The following LYRM4 variants were observed in gnomAD, a reference collection of about 807,000 sequenced individuals.
LYRM4 encodes the protein LYR motif containing 4, also known as LYR motif-containing protein 4.
A neutral mutation model predicts 11.7 loss-of-function variants in LYRM4; 9 were observed. The ratio of observed to expected loss-of-function variants is 0.77; its 90% CI spans 0.46 to 1.34. LYRM4 has a LOEUF of 1.34. LYRM4 is among the 40% of genes most tolerant of loss of function. The pLI is 0.00. For missense variants in LYRM4, 133 were observed against 112.5 expected (o/e 1.18, Z -0.82); for synonymous variants, 42 against 40.4 (o/e 1.04, Z -0.15).
intron 2 of LYRM4, among the ~76,000 whole-genome samples, chr6:5,153,993 C>T (rs1458012314): frequency 1.3e-5 from 2 of 152,046 alleles, no homozygotes; most frequent in African/African-American, 2.4e-5. Flanking sequence ...TTCCCTACAT[C>T]TAGTAAAGAA....
intron 1 of LYRM4, among the ~76,000 whole-genome samples, chr6:5,234,182 T>C (rs1392051122): frequency 6.6e-6 from 1 of 152,274 alleles, no homozygotes; most frequent in African/African-American, 2.4e-5. Context: ...AATTTAGAAC[T>C]GCTTTACATT....
At chr6:5,054,493 C>G in the LYRM4 span, 1 of 153,778 alleles carries the variant, frequency 6.5e-6, no homozygotes, top group African/African-American at 2.4e-5. Flanking sequence ...AGAGTATTTC[C>G]TGACAAATTC....
rs936377951 is a variant in LYRM4, at chr6:5,214,602, C to T, written c.207+2016G>A. On this transcript the variant is annotated intron_variant, in intron 2 of 2. Transcript: ENST00000330636. ...GGGCAGGGGCACCCGGAGGACAGGT[C>T]AGAAGGCTGCTACAGCAGCCAGTTA... 5.9e-5 allele frequency among the ~76,000 whole-genome samples: 9 copies of T among 152,314 alleles called. No individual in the cohort carries two copies. In the Middle Eastern group the frequency reaches 0.01, roughly 173 times the overall value.
In LYRM4 at chr6:5,216,677, C is replaced by T. The variant is rs1399839737; in HGVS notation, c.148G>A (p.Val50Ile). The T allele has an allele frequency of 6.2e-7, 1 of 1,613,986 alleles. No homozygotes were observed. The highest frequency in any genetic ancestry group is 8.5e-7 in the Non-Finnish European group (1 of 1,179,960). The change falls in exon 2 of 3, where the codon GTA (valine) becomes ATA (isoleucine). Residue 50 changes from valine (V) to isoleucine (I), a missense_variant. Transcript: ENST00000330636. The part of the protein sequence containing the change: ...FRENKNVKDP[V>I]EIQTLVNKAK... Reference sequence around the variant, plus strand: ...TTATTCACTAGGGTTTGAATTTCTACAGGATCCTTTACATTTTTATTTTCT... The same window carrying T: ...TTATTCACTAGGGTTTGAATTTCTATAGGATCCTTTACATTTTTATTTTCT...
At chr6:5,142,941 C>T (rs1339917989) in intron 2 of LYRM4, among the ~76,000 whole-genome samples, 6 of 152,212 alleles carry the variant, frequency 3.9e-5, no homozygotes, top group Admixed American at 6.5e-5. Flanking sequence ...GGCCGCATCG[C>T]GGGCCGGTCC....
downstream of LYRM4, among the ~76,000 whole-genome samples, chr6:5,100,714 G>A (rs922847583): frequency 6.6e-6 from 1 of 152,162 alleles, no homozygotes; most frequent in Admixed American, 6.6e-5. Context: ...CAAAACACAG[G>A]CATACAGCGA....
At chr6:5,090,939 G>A in the LYRM4 span, among the ~76,000 whole-genome samples, 1 of 152,134 alleles carries the variant, frequency 6.6e-6, no homozygotes. The surrounding 1 kb of genome is among the most constrained non-coding windows in gnomAD (Gnocchi z 4.8). Context: ...GGTGCCATGT[G>A]TTCTTTATCA....
intron 1 of LYRM4, among the ~76,000 whole-genome samples, chr6:5,228,479 T>C (rs1175850582): frequency 6.6e-6 from 1 of 152,042 alleles, no homozygotes; most frequent in Non-Finnish European, 1.5e-5. Context: ...GGTTTCACCA[T>C]GTTGGCCAGG....
intron 2 of LYRM4, among the ~76,000 whole-genome samples, chr6:5,179,328 A>G (rs1759936503): frequency 6.6e-6 from 1 of 152,112 alleles, no homozygotes; most frequent in Non-Finnish European, 1.5e-5. Context: ...TTGTTTTTCT[A>G]CTATCACCCC....
chr6:5,040,757 C>T, the LYRM4 span, among the ~76,000 whole-genome samples: 1 of 151,912 alleles, frequency 6.6e-6, no homozygotes, highest in Admixed American at 6.6e-5. Flanking sequence ...ATCACATTAC[C>T]CCCAAAATAT....
At chr6:5,056,464 A>G in the LYRM4 span, among the ~76,000 whole-genome samples, 2 of 152,214 alleles carry the variant, frequency 1.3e-5, no homozygotes, top group Admixed American at 1.3e-4. Context: ...GTTACATTAC[A>G]GTCAGTTTAT....
chr6:5,158,112 A>G, intron 2 of LYRM4, among the ~76,000 whole-genome samples: 1 of 150,510 alleles, frequency 6.6e-6, no homozygotes, highest in Non-Finnish European at 1.5e-5. Context: ...CACCACCCAA[A>G]TGTATAATGT....
At chr6:5,248,522 C>G (rs1173077949) in intron 1 of LYRM4, among the ~76,000 whole-genome samples, 5 of 152,256 alleles carry the variant, frequency 3.3e-5, no homozygotes, top group Non-Finnish European at 5.9e-5. Context: ...TCTCCACCCT[C>G]ATCTCCCACT....
chr6:5,077,441 G>A, the LYRM4 span, among the ~76,000 whole-genome samples: 2 of 152,222 alleles, frequency 1.3e-5, no homozygotes, highest in East Asian at 3.9e-4. Flanking sequence ...TGATGATGTG[G>A]AAGTGGGAGG....
chr6:5,223,087 A>G (rs1280495407), intron 1 of LYRM4, among the ~76,000 whole-genome samples: 1 of 152,210 alleles, frequency 6.6e-6, no homozygotes, highest in African/African-American at 2.4e-5. Context: ...CAAGATATCT[A>G]CTTATAAAAC....
chr6:5,061,917 T>G, the LYRM4 span, among the ~76,000 whole-genome samples: 1 of 152,202 alleles, frequency 6.6e-6, no homozygotes, highest in African/African-American at 2.4e-5. Context: ...GTCTTTTATA[T>G]GTGTGCATTG....
chr6:5,094,887 T>G, the LYRM4 span, among the ~76,000 whole-genome samples: 1 of 152,160 alleles, frequency 6.6e-6, no homozygotes, highest in East Asian at 1.9e-4. Context: ...AAATATACAG[T>G]TAGATAGAAG....
At chr6:5,160,579 C>T (rs1758695761) in intron 2 of LYRM4, among the ~76,000 whole-genome samples, 1 of 152,072 alleles carries the variant, frequency 6.6e-6, no homozygotes, top group Non-Finnish European at 1.5e-5. Context: ...AGTTCCCCTG[C>T]ACATGCTCTC....
chr6:5,109,964 C>T (rs564913294), intron 2 of LYRM4, among the ~76,000 whole-genome samples: 8 of 152,352 alleles, frequency 5.3e-5, no homozygotes, highest in East Asian at 1.9e-4. Flanking sequence ...TGGCCCATCC[C>T]GGGTGGGGTC....
Sources: gnomAD v4.1 joint callset for allele counts (sites outside exome capture counted in the v4.1 genomes callset) on GRCh38, gnomAD v4.1.1 for gene constraint, Gnocchi (gnomAD v3.1) non-coding constraint, MANE v1.5 for transcripts, NCBI Gene and HGNC (gene_info 2026-07-23, HGNC 2026-07-21) for gene names.